Variants in CAMKMT observed in about 807,000 individuals in gnomAD.
CAMKMT encodes CaM KMT.
CAMKMT carries 53 observed loss-of-function variants against 48.0 expected under a neutral mutation model. That is an observed-to-expected ratio of 1.10 (90% confidence interval 0.89 to 1.39). The LOEUF (loss-of-function observed/expected upper bound fraction) is 1.39, where lower values mean the gene tolerates loss of function less well. Among genes scored for constraint, CAMKMT ranks in the 40% most tolerant of loss-of-function variants. The probability of loss-of-function intolerance (pLI) is 0.00; values close to 1 mark genes in which losing one functional copy is unlikely to be tolerated. For synonymous variants in CAMKMT, 165 were observed against 152.3 expected, an observed-to-expected ratio of 1.08 and a Z score of -0.61; for missense variants, 428 against 402.7, an observed-to-expected ratio of 1.06 and a Z score of -0.54.
intron 3 of CAMKMT, among the ~76,000 whole-genome samples, chr2:44,595,914 C>T (rs1032328475): frequency 1.3e-5 from 2 of 149,064 alleles, no homozygotes; most frequent in Non-Finnish European, 3.0e-5. Flanking sequence ...TGTTCTCACT[C>T]GTAAGTGGGA....
At chr2:44,496,626 CT>C (rs1257996297) in intron 3 of CAMKMT, among the ~76,000 whole-genome samples, 1 of 152,150 alleles carries the variant, frequency 6.6e-6, no homozygotes, top group African/African-American at 2.4e-5. Context: ...ATAACCAAGC[CT>C]TTTAGGTAGA....
intron 3 of CAMKMT, among the ~76,000 whole-genome samples, chr2:44,681,304 G>A (rs1676006880): frequency 6.6e-6 from 1 of 152,156 alleles, no homozygotes; most frequent in African/African-American, 2.4e-5. Flanking sequence ...CTTGTTTTAA[G>A]TCTGCTCACT....
At chr2:44,443,019 T>C (rs970190477) in intron 3 of CAMKMT, among the ~76,000 whole-genome samples, 2 of 152,226 alleles carry the variant, frequency 1.3e-5, no homozygotes, top group African/African-American at 4.8e-5. Context: ...AGCACGTTCT[T>C]CTGTCCTACC....
chr2:44,765,418 A>G (rs1483314130), intron 9 of CAMKMT, among the ~76,000 whole-genome samples: 1 of 152,166 alleles, frequency 6.6e-6, no homozygotes, highest in Non-Finnish European at 1.5e-5. Flanking sequence ...CACTCTTCAT[A>G]AGAAACTCAG....
At chr2:44,592,434 C>G (rs558022010) in intron 3 of CAMKMT, among the ~76,000 whole-genome samples, 15 of 152,008 alleles carry the variant, frequency 9.9e-5, no homozygotes, top group African/African-American at 3.6e-4. Flanking sequence ...TGCCATCTTT[C>G]TTATTTCTTA....
Position 44,467,707 on chromosome 2 carries a change from A to G in CAMKMT, c.376+77402A>G, listed in dbSNP as rs142394286. Among the ~76,000 whole-genome samples the G allele has an allele frequency of 1.1e-3, 166 of 152,338 alleles. 1 individual carries two copies. The highest frequency in any genetic ancestry group is 2.1e-3 in the Admixed American group (32 of 15,304). On this transcript the variant is annotated intron_variant, in intron 3 of 10. Transcript: ENST00000378494. ...AACCAAGAAATAAGTTTGTGTATCT[A>G]TAGCCAACTGATTTTTGAGAAAGGT...
chr2:44,544,747 CTA>C (rs1667303903), intron 3 of CAMKMT, among the ~76,000 whole-genome samples: 1 of 152,136 alleles, frequency 6.6e-6, no homozygotes, highest in Non-Finnish European at 1.5e-5. Flanking sequence ...TAAAACAAGA[CTA>C]GAGTGATTCT....
Position 44,624,842 on chromosome 2 carries a change from A to G in CAMKMT, c.377-79441A>G, listed in dbSNP as rs368955010. Among the ~76,000 whole-genome samples the G allele has an allele frequency of 9.9e-5, 15 of 152,278 alleles. No individual in the cohort carries two copies. In the East Asian group the frequency reaches 1.7e-3, roughly 18 times the overall value. ...TTATAGTCCTTTGGGTATATACCCA[A>G]TAATGGGATGGCTGGGTCAAATAGT... On this transcript the variant is annotated intron_variant, in intron 3 of 10. Transcript: ENST00000378494.
At chr2:44,648,315 C>T (rs1480578331) in intron 3 of CAMKMT, among the ~76,000 whole-genome samples, 1 of 152,122 alleles carries the variant, frequency 6.6e-6, no homozygotes, top group Non-Finnish European at 1.5e-5. Flanking sequence ...TGGTGGTGGG[C>T]AGACTTTCAA....
At chr2:44,716,220 T>C (rs1219614625) in intron 7 of CAMKMT, among the ~76,000 whole-genome samples, 1 of 152,176 alleles carries the variant, frequency 6.6e-6, no homozygotes, top group African/African-American at 2.4e-5. Flanking sequence ...ATTTTCCCTA[T>C]GGTAAAGACA....
chr2:44,457,049 A>T lies in CAMKMT; in HGVS notation c.376+66744A>T, dbSNP rs113843363. 1.7e-3 allele frequency: 263 copies of T among 154,564 alleles called. No individual in the cohort carries two copies. In the Middle Eastern group the frequency reaches 0.026, roughly 15 times the overall value. The allele number at this position is 154,564 out of a possible 1,614,324, so 9.6% of individuals were successfully genotyped here. A position where few individuals can be genotyped will look rare whatever the true frequency, so the allele number is the denominator to read the frequency against. ...TTTATTTATATTTGTATGTAAGTAT[A>T]TATATTTTGAATATGTACTATGCTC... On this transcript the variant is annotated intron_variant, in intron 3 of 10. Coordinates refer to ENST00000378494, the MANE Select transcript of CAMKMT (RefSeq NM_024766.5).
At chr2:44,505,887 A>G (rs1191828758) in intron 3 of CAMKMT, among the ~76,000 whole-genome samples, 1 of 146,296 alleles carries the variant, frequency 6.8e-6, no homozygotes, top group African/African-American at 2.6e-5. Context: ...TATTTATTTG[A>G]GACAGAGTCT....
At chr2:44,654,977 C>A (rs1015284997) in intron 3 of CAMKMT, among the ~76,000 whole-genome samples, 4 of 152,056 alleles carry the variant, frequency 2.6e-5, no homozygotes, top group African/African-American at 9.7e-5. Flanking sequence ...AGGTTATTTT[C>A]CATTTTTTTG....
intron 3 of CAMKMT, among the ~76,000 whole-genome samples, chr2:44,519,893 C>A (rs985040059): frequency 6.6e-6 from 1 of 152,054 alleles, no homozygotes; most frequent in Non-Finnish European, 1.5e-5. Context: ...AGGTGCACAG[C>A]ATCATTTCCA....
chr2:44,521,187 T>C (rs1043030973), intron 3 of CAMKMT, among the ~76,000 whole-genome samples: 5 of 152,238 alleles, frequency 3.3e-5, no homozygotes, highest in Non-Finnish European at 7.3e-5. Flanking sequence ...TTACGTTTAT[T>C]AGATGCTCTG....
At chr2:44,641,660 C>A (rs1324224222) in intron 3 of CAMKMT, among the ~76,000 whole-genome samples, 3 of 152,118 alleles carry the variant, frequency 2.0e-5, no homozygotes, top group African/African-American at 7.2e-5. Context: ...TGGCCTCAAG[C>A]AATCCTCCCA....
intron 3 of CAMKMT, among the ~76,000 whole-genome samples, chr2:44,524,319 C>A (rs2104807089): frequency 6.6e-6 from 1 of 152,240 alleles, no homozygotes; most frequent in East Asian, 1.9e-4. Context: ...TAACATTACT[C>A]CCCAATCCCC....
At chr2:44,528,850 T>C (rs1666312894) in intron 3 of CAMKMT, among the ~76,000 whole-genome samples, 1 of 152,034 alleles carries the variant, frequency 6.6e-6, no homozygotes, top group Non-Finnish European at 1.5e-5. Context: ...AAGTTTGATC[T>C]GATTCCAGGG....
chr2:44,622,764 C>G (rs1672269878), intron 3 of CAMKMT, among the ~76,000 whole-genome samples: 2 of 152,196 alleles, frequency 1.3e-5, no homozygotes, highest in Non-Finnish European at 2.9e-5. Context: ...GATTCCATGT[C>G]TTTGCCACTG....
Sources: gnomAD v4.1 joint callset for allele counts (sites outside exome capture counted in the v4.1 genomes callset) on GRCh38, gnomAD v4.1.1 for gene constraint, MANE v1.5 for transcripts, NCBI Gene and HGNC (gene_info 2026-07-23, HGNC 2026-07-21) for gene names.